Variants in GCFC2 observed in about 807,000 individuals in gnomAD.
GCFC2 encodes the protein GC-rich sequence DNA-binding factor 2.
GCFC2 carries 102 observed loss-of-function variants against 99.4 expected under a neutral mutation model. The ratio of observed to expected loss-of-function variants is 1.03; its 90% CI spans 0.87 to 1.21. The LOEUF (loss-of-function observed/expected upper bound fraction) is 1.21, where lower values mean the gene tolerates loss of function less well. GCFC2 is among the 50% of genes most tolerant of loss of function. GCFC2 has a pLI of 0.00. For synonymous variants in GCFC2, 338 were observed against 316.8 expected, an observed-to-expected ratio of 1.07 and a Z score of -0.71; for missense variants, 973 against 920.9, an observed-to-expected ratio of 1.06 and a Z score of -0.73.
chr2:75,706,534 A>G lies in GCFC2; in HGVS notation c.383T>C (p.Leu128Pro), dbSNP rs1680872643. ...TACAAATTACTAACCTGTTGATGAAAGTTCTTTTTCTCCAAGAGAGCTAGA... is the reference window on the plus strand; with the variant it reads ...TACAAATTACTAACCTGTTGATGAAGGTTCTTTTTCTCCAAGAGAGCTAGA... ...DSSSSLGEKE[L>P]SSTVKIPDAA... The change falls in exon 2 of 17, where the codon CTT becomes CCT. Residue 128 changes from leucine (L) to proline (P), a missense_variant. Coordinates refer to ENST00000321027, the MANE Select transcript of GCFC2 (RefSeq NM_003203.5). 20 of 1,590,484 alleles carry G rather than the reference A, an allele frequency of 1.3e-5. No homozygotes were observed. The highest frequency in any genetic ancestry group is 1.7e-5 in the Non-Finnish European group (20 of 1,165,410).
Position 75,694,252 on chromosome 2 carries a change from G to C in GCFC2, c.1009C>G (p.Leu337Val). 1 of 932,272 alleles carries C rather than the reference G, an allele frequency of 1.1e-6. No individual in the cohort carries two copies. Among genetic ancestry groups the C allele is most frequent in the East Asian group, 2.6e-5 (1 of 39,064 alleles). The allele number at this position is 932,272 out of a possible 1,614,324, so 57.7% of individuals were successfully genotyped here. ...KIYVENLIDC[L>V]NEKIINIQEI... ...ATATTGATATGTACCTTTTCATTAAGGCAGTCAATTAAATTTTCCACATAA... is the reference window on the plus strand; with the variant it reads ...ATATTGATATGTACCTTTTCATTAACGCAGTCAATTAAATTTTCCACATAA... Residue 337 changes from leucine to valine, a missense_variant, in exon 6 of 17, where the codon CTT (leucine) becomes GTT (valine). Physicochemically the swap from Leu to Val is conservative, Grantham distance 32 (BLOSUM62 1). Transcript: ENST00000321027.
At chr2:75,685,724 C>G (rs1225301365) in intron 11 of GCFC2, among the ~76,000 whole-genome samples, 1 of 152,038 alleles carries the variant, frequency 6.6e-6, no homozygotes. Flanking sequence ...GGATAAATTC[C>G]AAACTTATAC....
At position 75,680,309 on chromosome 2, in the gene GCFC2, C is replaced by T; in HGVS notation, c.1696G>A (p.Val566Ile). Reference sequence around the variant, plus strand: ...GACAAAGGATCCCAAAGGAATTCTACAAAGTCTGAAACAAATATTTCAGTG... The same window carrying T: ...GACAAAGGATCCCAAAGGAATTCTATAAAGTCTGAAACAAATATTTCAGTG... ...KTIIPRLTDF[V>I]EFLWDPLSTS... The change falls in exon 12 of 17, where the codon GTA becomes ATA. Residue 566 changes from valine (V) to isoleucine (I), a missense_variant. Transcript: ENST00000321027. 1 of 1,610,194 alleles carries T rather than the reference C, an allele frequency of 6.2e-7. No homozygotes were observed. The highest frequency in any genetic ancestry group is 2.2e-5 in the East Asian group (1 of 44,754).
At chr2:75,711,315 G>A, upstream of GCFC2, 1 of 524,118 alleles carries the variant, frequency 1.9e-6, no homozygotes, top group Non-Finnish European at 2.4e-6. Context: ...TGAGGCTCGG[G>A]GTAGGAGGAG....
intron 13 of GCFC2, among the ~76,000 whole-genome samples, 175 bp from the exon 14 acceptor site, chr2:75,672,191 T>C (rs1285937708): frequency 6.9e-6 from 1 of 144,918 alleles, no homozygotes; most frequent in Non-Finnish European, 1.5e-5. Context: ...ATAAAATATA[T>C]ATTTATATAT....
chr2:75,666,671 GTT>G (rs901859027), intron 15 of GCFC2, among the ~76,000 whole-genome samples: 3 of 148,528 alleles, frequency 2.0e-5, no homozygotes, highest in African/African-American at 7.5e-5. Flanking sequence ...TTTGAGAAAA[GTT>G]TTGGTAAAAA....
intron 11 of GCFC2, among the ~76,000 whole-genome samples, chr2:75,682,299 A>C (rs1679616794): frequency 6.6e-6 from 1 of 151,910 alleles, no homozygotes; most frequent in South Asian, 2.1e-4. Context: ...ATACCCAGGC[A>C]AACAGGGTCT....
intron 12 of GCFC2, among the ~76,000 whole-genome samples, chr2:75,676,077 A>G (rs1679325303): frequency 1.3e-5 from 2 of 152,316 alleles, no homozygotes; most frequent in African/African-American, 4.8e-5. Context: ...GGTGCTCACA[A>G]CAGTAGGAGC....
intron 12 of GCFC2, among the ~76,000 whole-genome samples, chr2:75,675,381 A>G (rs1442967262): frequency 8.5e-6 from 1 of 117,024 alleles, no homozygotes; most frequent in Non-Finnish European, 1.5e-5. Flanking sequence ...ATATGGAAAT[A>G]CTACTCTTAT....
intron 2 of GCFC2, among the ~76,000 whole-genome samples, chr2:75,706,009 ATCTT>A (rs1680847478): frequency 2.6e-5 from 4 of 152,226 alleles, no homozygotes; most frequent in Admixed American, 6.5e-5. Flanking sequence ...AACTAGACTG[ATCTT>A]TCTAAGACAC....
At chr2:75,677,185 T>A (rs1400380711) in intron 12 of GCFC2, among the ~76,000 whole-genome samples, 2 of 152,246 alleles carry the variant, frequency 1.3e-5, no homozygotes, top group Non-Finnish European at 2.9e-5. Context: ...ATTTAAGTAT[T>A]CATAATCTTC....
rs556268190 is a variant in GCFC2, at chr2:75,705,591, T to TGGGC, written c.394+928_394+931dup. Among the ~76,000 whole-genome samples, 33 of 93,198 alleles carry TGGGC rather than the reference T, an allele frequency of 3.5e-4. No homozygotes were observed. The South Asian group carries it at 1.0e-2, about 28-fold the overall frequency. The allele number at this position is 93,198 out of a possible 152,430, so 61.1% of individuals were successfully genotyped here. A position where few individuals can be genotyped will look rare whatever the true frequency, so the allele number is the denominator to read the frequency against. ...CAGATTGCGCCACTGCACTCCAGCC[T>TGGGC]GGGCGACAGAGTGAGACTCCATCTC... On this transcript the variant is annotated intron_variant, in intron 2 of 16. Transcript: ENST00000321027.
rs1190677791 is a variant in GCFC2 at position 75,665,912 on chromosome 2, A to C, written c.2228+17T>G. 1 of 1,534,904 alleles carries C rather than the reference A, an allele frequency of 6.5e-7. No homozygotes were observed. Among genetic ancestry groups the C allele is most frequent in the Admixed American group, 1.8e-5 (1 of 55,848 alleles). On this transcript the variant is annotated intron_variant, in intron 16 of 16. Transcript: ENST00000321027. ...CATGAACTCTCTTTATAGAAGTGAA[A>C]ATAAAATATGCATTACCTGAATTCA...
At chr2:75,667,875 T>G (rs190619204) in intron 15 of GCFC2, among the ~76,000 whole-genome samples, 119 of 152,300 alleles carry the variant, frequency 7.8e-4, no homozygotes, top group Non-Finnish European at 1.4e-3. Flanking sequence ...ATGATTTAAA[T>G]TTTTAATATA....
chr2:75,666,146 A>T, intron 15 of GCFC2, 93 bp from the exon 16 acceptor site: 1 of 858,300 alleles, frequency 1.2e-6, no homozygotes, highest in Non-Finnish European at 1.8e-6. Flanking sequence ...GCTGAGTATC[A>T]TTCTCCCCAT....
chr2:75,689,570 A>G (rs568023963), intron 9 of GCFC2, among the ~76,000 whole-genome samples: 1 of 152,286 alleles, frequency 6.6e-6, no homozygotes, highest in African/African-American at 2.4e-5. Context: ...AATCTCCCTT[A>G]GAACCCAAAT....
intron 12 of GCFC2, among the ~76,000 whole-genome samples, chr2:75,677,409 A>T (rs997898245): frequency 6.6e-6 from 1 of 152,196 alleles, no homozygotes; most frequent in African/African-American, 2.4e-5. Context: ...AGTGTAAGTG[A>T]TTCTCTACCA....
At position 75,710,681 on chromosome 2, in the gene GCFC2, G is replaced by A. The variant is rs906611086; in HGVS notation, c.175C>T (p.His59Tyr). 8 of 1,524,076 alleles carry A rather than the reference G, an allele frequency of 5.2e-6. No homozygotes were observed. In the Admixed American group the frequency reaches 5.9e-5, roughly 11 times the overall value. The allele number at this position is 1,524,076 out of a possible 1,614,324, so 94.4% of individuals were successfully genotyped here. A position where few individuals can be genotyped will look rare whatever the true frequency, so the allele number is the denominator to read the frequency against. Residue 59 changes from histidine to tyrosine, a missense_variant, in exon 1 of 17, where the codon CAC becomes TAC. Transcript: ENST00000321027. ...CGGCCACGAGGGCCCCGAACCCGGT[G>A]GGGCAGTCCCGCCACCTGCGCGCGG... ...GGRAQVAGLPHRVRGPRGRGR... is the reference protein window; with the variant it reads ...GGRAQVAGLPYRVRGPRGRGR...
rs534962759 is a variant in GCFC2, at chr2:75,674,612, TATA to T, written c.1813-1095_1813-1093del. Among the ~76,000 whole-genome samples the T allele has an allele frequency of 9.1e-4, 138 of 152,132 alleles. 1 individual carries two copies. Among genetic ancestry groups the T allele is most frequent in the Middle Eastern group, 3.4e-3 (1 of 294 alleles). ...ATATTAGCAATATTTATATTATTTA[TATA>T]ATGATATTCTTATTCATATTTGAAA... is the stretch of plus-strand genomic sequence containing the variant. On this transcript the variant is annotated intron_variant, in intron 12 of 16. Transcript: ENST00000321027.
Sources: allele counts gnomAD v4.1 joint callset (sites outside exome capture counted in the v4.1 genomes callset), GRCh38; gene constraint gnomAD v4.1.1; transcripts MANE v1.5; gene names NCBI Gene and HGNC (gene_info 2026-07-23, HGNC 2026-07-21).